The following PRTG variants were observed in gnomAD, a reference collection of about 807,000 sequenced individuals.
PRTG encodes immunoglobulin superfamily, DCC subclass, member 5.
A neutral mutation model predicts 122.5 loss-of-function variants in PRTG; 67 were observed. The observed-to-expected ratio is 0.55, with a 90% CI of 0.45 to 0.67. The LOEUF is 0.67. Among genes scored for constraint, PRTG ranks in the 30% least tolerant of loss-of-function variants. The pLI, the probability that PRTG is intolerant of heterozygous loss-of-function variation, is 0.00. For missense variants in PRTG, 1,435 were observed against 1,415.4 expected (o/e 1.01, Z -0.22); for synonymous variants, 554 against 501.1 (o/e 1.11, Z -1.41).
intron 2 of PRTG, among the ~76,000 whole-genome samples, chr15:55,686,632 C>T (rs779491437): frequency 9.2e-5 from 14 of 152,164 alleles, no homozygotes; most frequent in Non-Finnish European, 1.9e-4. Context: ...TCTCCCCTGC[C>T]AGCAACATCA....
chr15:55,628,660 G>A (rs1246141753), intron 16 of PRTG, among the ~76,000 whole-genome samples, 162 bp downstream of exon 16: 5 of 152,114 alleles, frequency 3.3e-5, no homozygotes, highest in Non-Finnish European at 7.3e-5. Context: ...AGGAGTATGA[G>A]GAAAAGCCAT....
chr15:55,639,867 A>G (rs751200501), intron 12 of PRTG, 39 bp from the exon 13 acceptor site: 4 of 1,601,502 alleles, frequency 2.5e-6, no homozygotes, highest in Non-Finnish European at 3.4e-6. Flanking sequence ...ATACGACATA[A>G]CATTTTAACA....
At chr15:55,713,660 T>A (rs1332595738) in intron 2 of PRTG, among the ~76,000 whole-genome samples, 2 of 152,202 alleles carry the variant, frequency 1.3e-5, no homozygotes, top group African/African-American at 4.8e-5. Flanking sequence ...AAATTTCATT[T>A]CCCTGATTAC....
chr15:55,629,391 G>T lies in PRTG; in HGVS notation c.2624-387C>A, dbSNP rs28398362. Among the ~76,000 whole-genome samples the T allele has an allele frequency of 4.2e-3, 221 of 52,906 alleles. 4 individuals carry two copies. In the East Asian group the frequency reaches 0.22, roughly 52 times the overall value. The allele number at this position is 52,906 out of a possible 152,430, so 34.7% of individuals were successfully genotyped here. On this transcript the variant is annotated intron_variant, in intron 15 of 19. Coordinates refer to ENST00000389286, the MANE Select transcript of PRTG (RefSeq NM_173814.6). Reference sequence around the variant, plus strand: ...TATATATATATGTGTGTGTGTGTGTGTGTGTGTGTGTGTGTGTGTGTGTGT... The same window carrying T: ...TATATATATATGTGTGTGTGTGTGTTTGTGTGTGTGTGTGTGTGTGTGTGT...
At chr15:55,736,129 A>G (rs1595687212) in intron 2 of PRTG, among the ~76,000 whole-genome samples, 2 of 152,264 alleles carry the variant, frequency 1.3e-5, no homozygotes, top group African/African-American at 4.8e-5. Flanking sequence ...TGAGTTTTCC[A>G]AAATCAAATG....
At chr15:55,709,064 T>G (rs576764406) in intron 2 of PRTG, among the ~76,000 whole-genome samples, 1 of 144,844 alleles carries the variant, frequency 6.9e-6, no homozygotes, top group African/African-American at 2.6e-5. Flanking sequence ...GAGAATCACT[T>G]GAACCCAGGA....
At chr15:55,641,906 G>A (rs922303475) in intron 11 of PRTG, among the ~76,000 whole-genome samples, 3 of 151,950 alleles carry the variant, frequency 2.0e-5, no homozygotes, top group African/African-American at 7.3e-5. Flanking sequence ...CGGGCGCGGT[G>A]GCTCACGCCT....
chr15:55,645,856 C>A (rs1262937926), intron 11 of PRTG, among the ~76,000 whole-genome samples: 1 of 152,014 alleles, frequency 6.6e-6, no homozygotes, highest in African/African-American at 2.4e-5. Context: ...TGGGGGAAAA[C>A]AGCAGAGTTA....
At chr15:55,634,670 CG>C (rs1378806801) in intron 15 of PRTG, among the ~76,000 whole-genome samples, 1 of 151,690 alleles carries the variant, frequency 6.6e-6, no homozygotes, top group Non-Finnish European at 1.5e-5. Flanking sequence ...GTGAAACACC[CG>C]TCTCTACTAA....
At chr15:55,656,513 T>G (rs1300062894) in intron 11 of PRTG, among the ~76,000 whole-genome samples, 2 of 152,100 alleles carry the variant, frequency 1.3e-5, no homozygotes, top group East Asian at 3.9e-4. Flanking sequence ...AGCAGTGTAA[T>G]TTTTTCTTTT....
chr15:55,715,537 C>A (rs1054420414), intron 2 of PRTG, among the ~76,000 whole-genome samples: 1 of 152,162 alleles, frequency 6.6e-6, no homozygotes, highest in African/African-American at 2.4e-5. Context: ...CAACTCCAAG[C>A]CCTAACGGAT....
At chr15:55,737,875 GA>G (rs201230210) in intron 2 of PRTG, among the ~76,000 whole-genome samples, 1 of 145,598 alleles carries the variant, frequency 6.9e-6, no homozygotes, top group Non-Finnish European at 1.5e-5. Context: ...CCTTGACTAA[GA>G]AAAAAAACAC....
chr15:55,737,354 C>A (rs1375374788), intron 2 of PRTG, among the ~76,000 whole-genome samples: 1 of 152,060 alleles, frequency 6.6e-6, no homozygotes, highest in Non-Finnish European at 1.5e-5. Context: ...AAATGGGATG[C>A]CTTAGCAAAA....
intron 4 of PRTG, 62 bp downstream of exon 4, chr15:55,682,302 G>A: frequency 5.2e-6 from 7 of 1,339,764 alleles, no homozygotes; most frequent in Middle Eastern, 2.0e-4. Flanking sequence ...CAGCAGAGGA[G>A]AAGAAGTAAC....
At chr15:55,624,547 A>T in intron 17 of PRTG, 40 bp from the exon 18 acceptor site, 3 of 1,573,180 alleles carry the variant, frequency 1.9e-6, no homozygotes, top group Middle Eastern at 1.7e-4. Flanking sequence ...CTAATTTCAT[A>T]GAAGATGCAG....
At position 55,629,001 on chromosome 15, in the gene PRTG, G is replaced by A. The variant is rs2059210823; in HGVS notation, c.2627C>T (p.Ala876Val). The change falls in exon 16 of 20, where the codon GCA becomes GTA. Residue 876 changes from alanine (A) to valine (V), a missense_variant. Coordinates refer to ENST00000389286, the MANE Select transcript of PRTG (RefSeq NM_173814.6). ...GTTTTCTAGCAAAGCCATGGTTATT[G>A]CCCCTAGAAATACATCAATTACAAA... ...GEWQVLHREG[A>V]ITMALLENLV... 3 of 1,601,410 alleles carry A rather than the reference G, an allele frequency of 1.9e-6. No individual in the cohort carries two copies. Among genetic ancestry groups the A allele is most frequent in the African/African-American group, 2.7e-5 (2 of 74,624 alleles).
intron 2 of PRTG, among the ~76,000 whole-genome samples, chr15:55,714,123 G>A (rs1243873998): frequency 6.6e-6 from 1 of 151,920 alleles, no homozygotes; most frequent in African/African-American, 2.4e-5. Flanking sequence ...TATGTATTGG[G>A]AACAGATTAT....
intron 2 of PRTG, among the ~76,000 whole-genome samples, chr15:55,717,344 T>C (rs1296519785): frequency 6.6e-6 from 1 of 152,216 alleles, no homozygotes; most frequent in Non-Finnish European, 1.5e-5. Context: ...TAGTTGTCAA[T>C]GATTTTAAGA....
At chr15:55,632,044 G>C (rs1012839598) in intron 15 of PRTG, among the ~76,000 whole-genome samples, 6 of 152,114 alleles carry the variant, frequency 3.9e-5, no homozygotes, top group African/African-American at 1.4e-4. Flanking sequence ...ACATGCTTAT[G>C]TGATTTTTTT....
Sources: allele counts gnomAD v4.1 joint callset (sites outside exome capture counted in the v4.1 genomes callset), GRCh38; gene constraint gnomAD v4.1.1; transcripts MANE v1.5; gene names NCBI Gene and HGNC (gene_info 2026-07-23, HGNC 2026-07-21).